Variants in RARB observed in about 807,000 individuals in gnomAD.
RARB encodes retinoic acid receptor beta.
RARB carries 17 observed loss-of-function variants against 51.9 expected under a neutral mutation model. The observed-to-expected ratio is 0.33, with a 90% confidence interval of 0.22 to 0.49. The LOEUF is 0.49. RARB is among the 20% of genes least tolerant of loss of function. RARB has a pLI of 0.99. For synonymous variants in RARB, 215 were observed against 195.4 expected (o/e 1.10, Z -0.84); for missense variants, 369 against 550.8 (o/e 0.67, Z 3.30).
chr3:24,970,477 T>A (rs956821982), intron 2 of RARB, among the ~76,000 whole-genome samples: 6 of 151,862 alleles, frequency 4.0e-5, no homozygotes, highest in Non-Finnish European at 7.4e-5. Flanking sequence ...GACTAGATAC[T>A]GATAATGGTG....
chr3:25,291,715 A>C (rs1164438123), intron 5 of RARB, among the ~76,000 whole-genome samples: 1 of 152,016 alleles, frequency 6.6e-6, no homozygotes, highest in East Asian at 1.9e-4. Flanking sequence ...CTTTCAATAG[A>C]CTTTGATTGA....
At chr3:25,592,631 A>G (rs1008257182) in intron 5 of RARB, among the ~76,000 whole-genome samples, 4 of 152,222 alleles carry the variant, frequency 2.6e-5, no homozygotes, top group Admixed American at 6.5e-5. Flanking sequence ...GCAGTGAGCA[A>G]GAGTCTCCTT....
chr3:25,200,076 T>A (rs1212534415), intron 5 of RARB, among the ~76,000 whole-genome samples: 1 of 152,188 alleles, frequency 6.6e-6, no homozygotes, highest in Non-Finnish European at 1.5e-5. Flanking sequence ...TGTAAAAGTA[T>A]TCCTATTTCT....
intron 5 of RARB, among the ~76,000 whole-genome samples, chr3:25,416,393 G>A (rs1391176808): frequency 1.3e-5 from 2 of 152,146 alleles, no homozygotes; most frequent in Non-Finnish European, 1.5e-5. Flanking sequence ...TGTCTCATAA[G>A]CAAGCAAATA....
At chr3:25,587,216 A>ATCATCAG (rs1701425809) in intron 5 of RARB, among the ~76,000 whole-genome samples, 1 of 152,170 alleles carries the variant, frequency 6.6e-6, no homozygotes, top group South Asian at 2.1e-4. Context: ...ATAAGCTGTA[A>ATCATCAG]TCATCAGTCT....
intron 5 of RARB, among the ~76,000 whole-genome samples, chr3:25,589,965 T>G (rs1247626342): frequency 6.6e-6 from 1 of 152,212 alleles, no homozygotes; most frequent in Non-Finnish European, 1.5e-5. Context: ...ACGACTTGGG[T>G]TCTCTCCAGA....
chr3:25,079,005 G>C (rs1341788568), intron 3 of RARB, among the ~76,000 whole-genome samples: 5 of 151,794 alleles, frequency 3.3e-5, no homozygotes, highest in Non-Finnish European at 7.4e-5. Context: ...ATAATATTGA[G>C]TATTCTAAGC....
intron 2 of RARB, among the ~76,000 whole-genome samples, chr3:24,862,744 A>C (rs1053262377): frequency 9.2e-5 from 14 of 152,180 alleles, no homozygotes; most frequent in Admixed American, 2.6e-4. Flanking sequence ...GGGCTACTCT[A>C]CTAAACCTGA....
At chr3:25,284,691 C>A (rs1162434313) in intron 5 of RARB, among the ~76,000 whole-genome samples, 1 of 152,158 alleles carries the variant, frequency 6.6e-6, no homozygotes, top group East Asian at 1.9e-4. Context: ...AAAGTCAGAA[C>A]CTCGACTCAC....
At chr3:25,373,391 T>G (rs1206516846) in intron 5 of RARB, among the ~76,000 whole-genome samples, 1 of 151,894 alleles carries the variant, frequency 6.6e-6, no homozygotes, top group African/African-American at 2.4e-5. Flanking sequence ...ATGCAGTGAG[T>G]GAGGAGGGTC....
intron 5 of RARB, among the ~76,000 whole-genome samples, chr3:25,329,440 A>C (rs549024561): frequency 1.1e-4 from 16 of 152,322 alleles, no homozygotes; most frequent in Admixed American, 9.2e-4. Context: ...CCTGCAGCTG[A>C]GGGTCCTGAC....
At chr3:25,355,053 C>T (rs573473898) in intron 5 of RARB, among the ~76,000 whole-genome samples, 6 of 152,200 alleles carry the variant, frequency 3.9e-5, no homozygotes, top group African/African-American at 1.4e-4. Context: ...CTACAGTCAA[C>T]ATCCAGAGAA....
At position 24,832,652 on chromosome 3, in the gene RARB, A is replaced by ATATATATATATATATATATATAT. The variant is rs1491520085; in HGVS notation, c.-459+3250_-459+3251insATATATATATATATATATATATT. 9.8e-4 allele frequency among the ~76,000 whole-genome samples: 60 copies of ATATATATATATATATATATATAT among 61,048 alleles called. 3 individuals carry two copies. The highest frequency in any genetic ancestry group is 5.6e-3 in the African/African-American group (59 of 10,544). The allele number at this position is 61,048 out of a possible 152,430, so 40.0% of individuals were successfully genotyped here. A position where few individuals can be genotyped will look rare whatever the true frequency, so the allele number is the denominator to read the frequency against. On this transcript the variant is annotated intron_variant, in intron 1 of 11. Coordinates refer to the RARB transcript ENST00000383772. ...CAATATATATATATATATATATATAATGTCAATTAAAAATGAAATTCTTAA... is the reference window on the plus strand; with the variant it reads ...CAATATATATATATATATATATATAATATATATATATATATATATATATTGTCAATTAAAAATGAAATTCTTAA...
At chr3:25,239,915 T>A (rs760405190) in intron 5 of RARB, among the ~76,000 whole-genome samples, 1 of 152,156 alleles carries the variant, frequency 6.6e-6, no homozygotes, top group Non-Finnish European at 1.5e-5. Flanking sequence ...ATTCTTCTGA[T>A]CCACGAGCAT....
At chr3:25,538,638 A>G (rs1436664419) in intron 3 of RARB, among the ~76,000 whole-genome samples, 4 of 152,176 alleles carry the variant, frequency 2.6e-5, no homozygotes, top group African/African-American at 9.6e-5. Context: ...GCAGCATTTC[A>G]TTTTTCTAGT....
chr3:25,560,074 A>G (rs1181018667), intron 3 of RARB, among the ~76,000 whole-genome samples: 3 of 152,238 alleles, frequency 2.0e-5, no homozygotes, highest in Admixed American at 1.3e-4. Flanking sequence ...GCTAGCATAT[A>G]TCTCATACAT....
At chr3:25,504,717 G>A (rs1483565034) in intron 3 of RARB, among the ~76,000 whole-genome samples, 1 of 150,780 alleles carries the variant, frequency 6.6e-6, no homozygotes, top group Non-Finnish European at 1.5e-5. Flanking sequence ...AATCATTATA[G>A]TAATAGCTAA....
chr3:24,832,211 G>A (rs942371592), intron 1 of RARB, among the ~76,000 whole-genome samples: 2 of 152,148 alleles, frequency 1.3e-5, no homozygotes, highest in African/African-American at 4.8e-5. Flanking sequence ...GATCAATCAA[G>A]CATATGAATG....
At chr3:25,048,483 A>G (rs564052272) in intron 2 of RARB, among the ~76,000 whole-genome samples, 1 of 152,288 alleles carries the variant, frequency 6.6e-6, no homozygotes, top group Admixed American at 6.5e-5. Flanking sequence ...TATTCTGTCA[A>G]GGGCTTATTT....
Sources: allele counts gnomAD v4.1 joint callset (sites outside exome capture counted in the v4.1 genomes callset), GRCh38; gene constraint gnomAD v4.1.1; transcripts MANE v1.5; gene names NCBI Gene and HGNC (gene_info 2026-07-23, HGNC 2026-07-21).